Variants in TRANK1 observed in about 807,000 individuals in gnomAD.
TRANK1 encodes the protein TPR and ankyrin repeat-containing protein 1.
Under a neutral mutation model 266.0 loss-of-function variants are expected in TRANK1, and 198 were observed. That is an observed-to-expected ratio of 0.74 (90% CI 0.66 to 0.84). The LOEUF (loss-of-function observed/expected upper bound fraction) is 0.84. Ranked by LOEUF, TRANK1 falls within the 40% of genes least tolerant of loss-of-function variation. The probability of loss-of-function intolerance (pLI) is 0.00; values close to 1 mark genes in which losing one functional copy is unlikely to be tolerated. For missense variants in TRANK1, 3,326 were observed against 3,634.6 expected, an observed-to-expected ratio of 0.92 and a Z score of 2.18; for synonymous variants, 1,396 against 1,384.1, an observed-to-expected ratio of 1.01 and a Z score of -0.19.
chr3:36,832,777 A>G lies in TRANK1; in HGVS notation c.6806T>C (p.Leu2269Pro), dbSNP rs1256509078. The change falls in exon 22 of 24, where the codon CTG becomes CCG. Residue 2269 changes from leucine (L) to proline (P), a missense_variant. Leu to Pro is a moderately conservative substitution (Grantham distance 98). Transcript: ENST00000645898. ...GAAATGCTTAGGGAAAAGGACATCC[A>G]GAATGGACTTGCAAAGGCCATACAT... is the stretch of plus-strand genomic sequence containing the variant. ...TDMYGLCKSI[L>P]DVLFPKHFHQ... The G allele has an allele frequency of 6.2e-6, 10 of 1,614,072 alleles. No individual in the cohort carries two copies. Among genetic ancestry groups the G allele is most frequent in the Non-Finnish European group, 8.5e-6 (10 of 1,179,906 alleles).
At chr3:36,896,806 CCAA>C (rs1418762290) in intron 4 of TRANK1, among the ~76,000 whole-genome samples, 1 of 151,954 alleles carries the variant, frequency 6.6e-6, no homozygotes, top group African/African-American at 2.4e-5. Flanking sequence ...ACAAGCCTGG[CCAA>C]CAGGGTGAAA....
At chr3:36,853,363 G>A (rs1174137317) in intron 13 of TRANK1, among the ~76,000 whole-genome samples, 1 of 152,306 alleles carries the variant, frequency 6.6e-6, no homozygotes, top group African/African-American at 2.4e-5. Flanking sequence ...TAGGTAGAAC[G>A]TCATGAAATG....
chr3:36,941,266 C>T (rs758340057), intron 1 of TRANK1, among the ~76,000 whole-genome samples: 23 of 152,150 alleles, frequency 1.5e-4, no homozygotes, highest in Non-Finnish European at 3.1e-4. Context: ...TAAAAAATCC[C>T]AATCAAAATG....
intron 3 of TRANK1, 106 bp downstream of exon 3, chr3:36,903,043 C>T: frequency 7.1e-7 from 1 of 1,400,828 alleles, no homozygotes; most frequent in Non-Finnish European, 9.4e-7. Flanking sequence ...CAGCTGCCAC[C>T]CCCAGGTGCC....
chr3:36,903,424 C>T (rs1427004584), intron 2 of TRANK1, 149 bp from the exon 3 acceptor site: 3 of 963,728 alleles, frequency 3.1e-6, no homozygotes, highest in East Asian at 2.7e-5. Context: ...GTCTCCCAGA[C>T]CCCAAACGAG....
chr3:36,859,979 T>C (rs2079117856), intron 11 of TRANK1, among the ~76,000 whole-genome samples: 1 of 152,192 alleles, frequency 6.6e-6, no homozygotes, highest in Non-Finnish European at 1.5e-5. Flanking sequence ...TAACACACAA[T>C]GTCTTGTGTG....
chr3:36,838,252 T>C (rs1373426747), intron 20 of TRANK1, 120 bp downstream of exon 20: 1 of 1,447,100 alleles, frequency 6.9e-7, no homozygotes, highest in East Asian at 2.3e-5. Flanking sequence ...GCAGGGCCAG[T>C]GTCTCCCTCC....
Position 36,846,314 on chromosome 3 carries a change from C to T in TRANK1, c.5125G>A (p.Ala1709Thr), listed in dbSNP as rs1327743010. The T allele has an allele frequency of 3.7e-6, 6 of 1,613,372 alleles. No homozygotes were observed. Among genetic ancestry groups the T allele is most frequent in the Non-Finnish European group, 5.1e-6 (6 of 1,179,710 alleles). Residue 1709 changes from alanine (A) to threonine (T), a missense_variant, in exon 17 of 24, where the codon GCT becomes ACT. Coordinates refer to ENST00000645898, the MANE Select transcript of TRANK1 (RefSeq NM_001329998.2). ...WIFDENREKRAPAFKYFIRRD... is the reference protein window; with the variant it reads ...WIFDENREKRTPAFKYFIRRD... ...CTAATGAAATATTTGAATGCGGGAG[C>T]CCGTTTCTCTCGGTTTTCATCAAAG...
intron 8 of TRANK1, among the ~76,000 whole-genome samples, chr3:36,886,774 T>C (rs2079612342): frequency 1.3e-5 from 2 of 152,022 alleles, no homozygotes; most frequent in African/African-American, 4.8e-5. Context: ...TAGCCGGGCA[T>C]AGTAGCACGC....
At chr3:36,929,001 T>G (rs2125659698) in intron 1 of TRANK1, among the ~76,000 whole-genome samples, 1 of 152,222 alleles carries the variant, frequency 6.6e-6, no homozygotes, top group African/African-American at 2.4e-5. Context: ...GCAAAGATAT[T>G]TTTAATAAAA....
At chr3:36,930,937 CT>C (rs1464082848) in intron 1 of TRANK1, among the ~76,000 whole-genome samples, 2 of 152,040 alleles carry the variant, frequency 1.3e-5, no homozygotes, top group African/African-American at 4.8e-5. Flanking sequence ...ATGCAAATAT[CT>C]CATTTTTTAA....
intron 20 of TRANK1, among the ~76,000 whole-genome samples, 151 bp from the exon 21 acceptor site, chr3:36,835,058 G>A (rs1266144995): frequency 1.3e-5 from 2 of 152,080 alleles, no homozygotes; most frequent in African/African-American, 2.4e-5. Flanking sequence ...GGTGGCTCAC[G>A]CCTGTAATCC....
rs58676588 is a variant in TRANK1 at position 36,908,197 on chromosome 3, T to C, written c.155+126A>G. ...TTCTAAGCTGACAATGCAGAGAAGATAAATAGGAAGTGAGCAATAAAGAAA... is the reference window on the plus strand; with the variant it reads ...TTCTAAGCTGACAATGCAGAGAAGACAAATAGGAAGTGAGCAATAAAGAAA... On this transcript the variant is annotated intron_variant, in intron 2 of 23. Coordinates refer to ENST00000645898, the MANE Select transcript of TRANK1 (RefSeq NM_001329998.2). 5,652 of 1,087,872 alleles carry C rather than the reference T, an allele frequency of 5.2e-3. 238 individuals carry two copies. The African/African-American group carries it at 0.082, about 16-fold the overall frequency. 67.4% of individuals were successfully genotyped at this position (1,087,872 alleles called of 1,614,324 possible).
intron 1 of TRANK1, among the ~76,000 whole-genome samples, chr3:36,929,805 C>G (rs2080336330): frequency 6.6e-6 from 1 of 152,234 alleles, no homozygotes; most frequent in Non-Finnish European, 1.5e-5. Flanking sequence ...AATCTAATGA[C>G]AAGAACTCTT....
At chr3:36,847,681 C>G (rs2078934324) in intron 15 of TRANK1, among the ~76,000 whole-genome samples, 1 of 152,124 alleles carries the variant, frequency 6.6e-6, no homozygotes, top group African/African-American at 2.4e-5. Flanking sequence ...GAATCCCCAC[C>G]CCTTCTCAAA....
intron 1 of TRANK1, among the ~76,000 whole-genome samples, chr3:36,923,558 G>C (rs538645995): frequency 2.6e-4 from 40 of 152,200 alleles, no homozygotes; most frequent in African/African-American, 8.4e-4. Context: ...GCCTGGCCTT[G>C]GTAAATTCTT....
Position 36,855,456 on chromosome 3 carries a change from C to T in TRANK1, c.4266G>A (p.Ser1422=), listed in dbSNP as rs773652435. 219 of 1,613,942 alleles carry T rather than the reference C, an allele frequency of 1.4e-4. No individual in the cohort carries two copies. The highest frequency in any genetic ancestry group is 1.1e-3 in the Admixed American group (64 of 60,014). The change falls in exon 13 of 24, where the codon TCG becomes TCA. Residue 1422 remains serine (S), a synonymous_variant. Coordinates refer to ENST00000645898, the MANE Select transcript of TRANK1 (RefSeq NM_001329998.2). The part of the protein sequence containing the change: ...DVLYNISRRL[S]KLRVLPWSIH... ...TGGACCATGGGAGCACCCTGAGCTT[C>T]GACAGCCTCCGGGATATGTTGTACA...
intron 1 of TRANK1, among the ~76,000 whole-genome samples, chr3:36,937,261 T>C (rs1266547639): frequency 6.6e-6 from 1 of 152,192 alleles, no homozygotes; most frequent in East Asian, 1.9e-4. Flanking sequence ...CCACAGGCTA[T>C]TGTTTTTCCA....
chr3:36,892,075 A>C lies in TRANK1; in HGVS notation c.775+127T>G, dbSNP rs971841537. On this transcript the variant is annotated intron_variant, in intron 7 of 23. Transcript: ENST00000645898. Reference sequence around the variant, plus strand: ...TGCTGCTTCATTCATTTGAATAATCAGATCATTTGAATATTCAAATGGTCT... The same window carrying C: ...TGCTGCTTCATTCATTTGAATAATCCGATCATTTGAATATTCAAATGGTCT... 2.4e-5 allele frequency: 28 copies of C among 1,158,900 alleles called. No individual in the cohort carries two copies. In the African/African-American group the frequency reaches 3.8e-4, roughly 16 times the overall value. The allele number at this position is 1,158,900 out of a possible 1,614,324, so 71.8% of individuals were successfully genotyped here. A position where few individuals can be genotyped will look rare whatever the true frequency, so the allele number is the denominator to read the frequency against.
Sources: allele counts gnomAD v4.1 joint callset (sites outside exome capture counted in the v4.1 genomes callset), GRCh38; gene constraint gnomAD v4.1.1; transcripts MANE v1.5; gene names NCBI Gene and HGNC (gene_info 2026-07-23, HGNC 2026-07-21).